RANBP10: variants seen among roughly 807,000 people sequenced by gnomAD.
The protein encoded by RANBP10 is RAN binding protein 10.
RANBP10 carries 24 observed loss-of-function variants against 72.8 expected under a neutral mutation model. The observed-to-expected ratio is 0.33, with a 90% confidence interval of 0.24 to 0.46. The LOEUF is 0.46. RANBP10 is among the 20% of genes least tolerant of loss of function. The pLI, the probability that RANBP10 is intolerant of heterozygous loss-of-function variation, is 1.00. For synonymous variants in RANBP10, 310 were observed against 322.3 expected (o/e 0.96, Z 0.41); for missense variants, 679 against 817.5 (o/e 0.83, Z 2.07).
intron 3 of RANBP10, among the ~76,000 whole-genome samples, chr16:67,751,785 G>T (rs546147097): frequency 6.6e-6 from 1 of 151,928 alleles, no homozygotes; most frequent in African/African-American, 2.4e-5. Context: ...GCGTGGTGGC[G>T]TGCTCCTGTA....
At chr16:67,788,319 C>A (rs1001604860) in intron 2 of RANBP10, among the ~76,000 whole-genome samples, 10 of 151,932 alleles carry the variant, frequency 6.6e-5, no homozygotes, top group Admixed American at 3.9e-4. Flanking sequence ...GTGGTGCGAT[C>A]TCGGCTCAAT....
intron 2 of RANBP10, 119 bp from the exon 3 acceptor site, chr16:67,772,205 G>A (rs1026622443): frequency 1.8e-6 from 2 of 1,092,300 alleles, no homozygotes; most frequent in East Asian, 4.8e-5. Context: ...GAATGTAGAG[G>A]CTCTTATAAC....
chr16:67,754,812 C>T (rs1474965339), intron 3 of RANBP10, among the ~76,000 whole-genome samples: 1 of 152,208 alleles, frequency 6.6e-6, no homozygotes, highest in African/African-American at 2.4e-5. Context: ...AGGCCCTGGC[C>T]AGTCACTCAT....
intron 6 of RANBP10, among the ~76,000 whole-genome samples, chr16:67,732,818 C>T (rs1452753768): frequency 6.6e-6 from 1 of 151,286 alleles, no homozygotes; most frequent in African/African-American, 2.4e-5. Flanking sequence ...GAGGCTGAGG[C>T]GGGCGGATCA....
In RANBP10 at chr16:67,772,021, AAC is replaced by A. The variant is rs753431129; in HGVS notation, c.400+11_400+12del. 23 of 1,612,114 alleles carry A rather than the reference AAC, an allele frequency of 1.4e-5. No individual in the cohort carries two copies. In the African/African-American group the frequency reaches 2.3e-4, roughly 16 times the overall value. Reference sequence around the variant, plus strand: ...GGAGAGCAGAACAAATGTTCTCTTAAACAGTGACTCACCAGGAAGTCTGTTCA... The same window carrying A: ...GGAGAGCAGAACAAATGTTCTCTTAAAGTGACTCACCAGGAAGTCTGTTCA... On this transcript the variant is annotated intron_variant, in intron 3 of 13. Coordinates refer to ENST00000317506, the MANE Select transcript of RANBP10 (RefSeq NM_020850.3).
intron 2 of RANBP10, among the ~76,000 whole-genome samples, chr16:67,788,418 A>C (rs936176040): frequency 1.3e-5 from 2 of 149,974 alleles, no homozygotes; most frequent in Non-Finnish European, 3.0e-5. Context: ...ATGCCCGGCT[A>C]ATTTTTTGTT....
At position 67,734,970 on chromosome 16, in the gene RANBP10, A is replaced by G; in HGVS notation, c.664T>C (p.Phe222Leu). 1.2e-6 allele frequency: 2 copies of G among 1,614,128 alleles called. No individual in the cohort carries two copies. Among genetic ancestry groups the G allele is most frequent in the Non-Finnish European group, 1.7e-6 (2 of 1,179,980 alleles). Residue 222 changes from phenylalanine (F) to leucine (L), a missense_variant, in exon 6 of 14, where the codon TTC (phenylalanine) becomes CTC (leucine). Phe to Leu is a conservative substitution (Grantham distance 22, BLOSUM62 0). Coordinates refer to ENST00000317506, the MANE Select transcript of RANBP10 (RefSeq NM_020850.3). ...ATGTAGTCCTCAATGTCAAACAGGAAGGGCTGCTGCCCAAAGTTGGCGTCC... is the reference window on the plus strand; with the variant it reads ...ATGTAGTCCTCAATGTCAAACAGGAGGGGCTGCTGCCCAAAGTTGGCGTCC... Reference protein sequence around the residue: ...IVDANFGQQPFLFDIEDYMRE... With the variant: ...IVDANFGQQPLLFDIEDYMRE...
chr16:67,725,329 T>G lies in RANBP10; in HGVS notation c.*1099A>C, dbSNP rs1474516815. On this transcript the variant is annotated 3_prime_UTR_variant, in exon 14 of 14. Coordinates refer to ENST00000317506, the MANE Select transcript of RANBP10 (RefSeq NM_020850.3). ...TTCTCAACAGAAAGCATCCATTCTC[T>G]CAGAGCTGTGCAGAGATGGTGAAGA... The G allele has an allele frequency of 6.6e-6, 1 of 152,392 alleles. No individual in the cohort carries two copies. The highest frequency in any genetic ancestry group is 1.5e-5 in the Non-Finnish European group (1 of 68,072). The allele number at this position is 152,392 out of a possible 1,614,324, so 9.4% of individuals were successfully genotyped here.
Position 67,726,137 on chromosome 16 carries a change from A to G in RANBP10, c.*291T>C. ...AGGAGAAAAAAATTTAAAAACCCCA[A>G]CCCCTCCTCAAAACAAAACCCCCCT... On this transcript the variant is annotated 3_prime_UTR_variant, in exon 14 of 14. Coordinates refer to ENST00000317506, the MANE Select transcript of RANBP10 (RefSeq NM_020850.3). 5.8e-6 allele frequency: 2 copies of G among 345,260 alleles called. No individual in the cohort carries two copies. Among genetic ancestry groups the G allele is most frequent in the South Asian group, 2.6e-5 (1 of 38,458 alleles). The allele number at this position is 345,260 out of a possible 1,614,324, so 21.4% of individuals were successfully genotyped here. A position where few individuals can be genotyped will look rare whatever the true frequency, so the allele number is the denominator to read the frequency against.
chr16:67,727,660 C>T (rs1567669794), intron 12 of RANBP10, 91 bp downstream of exon 12: 2 of 1,581,950 alleles, frequency 1.3e-6, no homozygotes, highest in Admixed American at 1.8e-5. Flanking sequence ...GGAGCCCACT[C>T]TTTCCTGCTG....
In RANBP10 at chr16:67,729,920, G is replaced by C. The variant is rs748053054; in HGVS notation, c.998+18C>G. On this transcript the variant is annotated intron_variant, in intron 8 of 13. Transcript: ENST00000317506. This position sits in a 1 kb window ranked among gnomAD's most constrained non-coding sequence, Gnocchi z 7.1. ...GAGGGGCTGGACTCTGGGGGAGCTGGGGGTGCCCAAGACTTACTTGAGCAT... is the reference window on the plus strand; with the variant it reads ...GAGGGGCTGGACTCTGGGGGAGCTGCGGGTGCCCAAGACTTACTTGAGCAT... 7 of 1,613,570 alleles carry C rather than the reference G, an allele frequency of 4.3e-6. No homozygotes were observed.
chr16:67,727,124 T>C (rs768087320), intron 13 of RANBP10, among the ~76,000 whole-genome samples: 17 of 152,154 alleles, frequency 1.1e-4, no homozygotes, highest in Middle Eastern at 6.8e-3. Context: ...GCAAAACCCG[T>C]CTCTACTAAA....
intron 2 of RANBP10, among the ~76,000 whole-genome samples, chr16:67,775,190 T>C (rs1455760375): frequency 1.3e-5 from 2 of 152,094 alleles, no homozygotes; most frequent in African/African-American, 2.4e-5. Context: ...CACACGCCTG[T>C]AATCCCAGCT....
chr16:67,769,470 G>T (rs1409108910), intron 3 of RANBP10, among the ~76,000 whole-genome samples: 1 of 33,540 alleles, frequency 3.0e-5, no homozygotes, highest in African/African-American at 7.7e-5. Flanking sequence ...AAAGTGCTGG[G>T]CGCAGTGGCT....
chr16:67,729,723 G>C lies in RANBP10; in HGVS notation c.1104C>G (p.Leu368=), dbSNP rs1257732572. 1 of 1,614,056 alleles carries C rather than the reference G, an allele frequency of 6.2e-7. No homozygotes were observed. The highest frequency in any genetic ancestry group is 8.5e-7 in the Non-Finnish European group (1 of 1,179,970). The change falls in exon 9 of 14, where the codon CTC becomes CTG. Residue 368 remains leucine (L), a synonymous_variant. Transcript: ENST00000317506. This position sits in a 1 kb window ranked among gnomAD's most constrained non-coding sequence, Gnocchi z 7.1. ...AACTACTGGGGCCATGTCGGGGACT[G>C]AGGCTGGGGGAGCCAGGGTAGCTGT... ...SQDSYPGSPS[L]SPRHGPSSSH...
At chr16:67,758,846 T>C (rs2054340983) in intron 3 of RANBP10, among the ~76,000 whole-genome samples, 2 of 152,152 alleles carry the variant, frequency 1.3e-5, no homozygotes, top group South Asian at 4.1e-4. Flanking sequence ...AGAATAAGAC[T>C]TTTTAGGTCT....
At position 67,726,218 on chromosome 16, in the gene RANBP10, C is replaced by A; in HGVS notation, c.*210G>T. 1.6e-6 allele frequency: 1 copy of A among 623,512 alleles called. No individual in the cohort carries two copies. The highest frequency in any genetic ancestry group is 4.8e-4 in the Middle Eastern group (1 of 2,104). The allele number at this position is 623,512 out of a possible 1,614,324, so 38.6% of individuals were successfully genotyped here. A position where few individuals can be genotyped will look rare whatever the true frequency, so the allele number is the denominator to read the frequency against. On this transcript the variant is annotated 3_prime_UTR_variant, in exon 14 of 14. Transcript: ENST00000317506. ...CCAGCCAATACTGTGTTACAGGCCGCTGCACGTGAAGGGGAGAGAGAGAGA... is the reference window on the plus strand; with the variant it reads ...CCAGCCAATACTGTGTTACAGGCCGATGCACGTGAAGGGGAGAGAGAGAGA...
At chr16:67,741,118 A>G (rs1174393427) in intron 4 of RANBP10, among the ~76,000 whole-genome samples, 1 of 152,248 alleles carries the variant, frequency 6.6e-6, no homozygotes, top group African/African-American at 2.4e-5. Context: ...GATAATATCG[A>G]TATCTCGACT....
intron 3 of RANBP10, among the ~76,000 whole-genome samples, chr16:67,770,227 T>TA (rs1314486263): frequency 4.6e-5 from 7 of 152,066 alleles, no homozygotes; most frequent in Non-Finnish European, 8.8e-5. Context: ...GAGCTACAGA[T>TA]ACTACAGCTA....
Sources: gnomAD v4.1 joint callset for allele counts (sites outside exome capture counted in the v4.1 genomes callset) on GRCh38, gnomAD v4.1.1 for gene constraint, Gnocchi (gnomAD v3.1) non-coding constraint, MANE v1.5 for transcripts, NCBI Gene and HGNC (gene_info 2026-07-23, HGNC 2026-07-21) for gene names.